Variants in PSME3 observed in about 807,000 individuals in gnomAD.
PSME3 encodes proteasome activator complex subunit 3.
A neutral mutation model predicts 38.3 loss-of-function variants in PSME3; 7 were observed. That is an observed-to-expected ratio of 0.18 (90% CI 0.10 to 0.34). The LOEUF (loss-of-function observed/expected upper bound fraction) is 0.34. PSME3 is among the 10% of genes least tolerant of loss of function. PSME3 has a pLI of 1.00. For synonymous variants in PSME3, 108 were observed against 105.7 expected (o/e 1.02, Z -0.13); for missense variants, 192 against 307.6 (o/e 0.62, Z 2.81).
intron 3 of PSME3, 79 bp downstream of exon 3, chr17:42,834,656 T>A: frequency 6.3e-7 from 1 of 1,599,034 alleles, no homozygotes; most frequent in South Asian, 1.1e-5. Context: ...AAACTGTTGA[T>A]TCTTCTTCTT....
chr17:42,837,767 T>G, intron 5 of PSME3, 70 bp downstream of exon 5: 3 of 1,513,152 alleles, frequency 2.0e-6, no homozygotes, highest in East Asian at 4.5e-5. Flanking sequence ...GCAGGATGGA[T>G]CTAGTGTTCT....
intron 5 of PSME3, 196 bp downstream of exon 5, chr17:42,837,893 G>A: frequency 1.2e-6 from 1 of 866,130 alleles, no homozygotes; most frequent in Non-Finnish European, 1.8e-6. Flanking sequence ...GAGGATTTAA[G>A]ACTTTTGTTA....
chr17:42,834,064 A>G, intron 1 of PSME3: 1 of 1,442,012 alleles, frequency 6.9e-7, no homozygotes, highest in Non-Finnish European at 9.0e-7. Flanking sequence ...TTCCCTAACT[A>G]CCTGTCTTTT....
Position 42,841,723 on chromosome 17 carries a change from C to G in PSME3, c.*145C>G. On this transcript the variant is annotated 3_prime_UTR_variant, in exon 11 of 11. Coordinates refer to ENST00000590720, the MANE Select transcript of PSME3 (RefSeq NM_005789.4). Reference sequence around the variant, plus strand: ...TTTAGTTAGAGTCTAATGAAACTCTCATCTAGTTCTGTGATGTGTTTACCT... The same window carrying G: ...TTTAGTTAGAGTCTAATGAAACTCTGATCTAGTTCTGTGATGTGTTTACCT... 1.8e-6 allele frequency: 1 copy of G among 542,208 alleles called. No homozygotes were observed. Among genetic ancestry groups the G allele is most frequent in the Non-Finnish European group, 3.2e-6 (1 of 314,700 alleles). 33.6% of individuals were successfully genotyped at this position (542,208 alleles called of 1,614,324 possible).
Position 42,833,428 on chromosome 17 carries a change from A to T in PSME3, c.-204A>T, listed in dbSNP as rs1433828361. 3.2e-6 allele frequency: 2 copies of T among 615,422 alleles called. No homozygotes were observed. The highest frequency in any genetic ancestry group is 5.9e-5 in the Admixed American group (2 of 33,826). 38.1% of individuals were successfully genotyped at this position (615,422 alleles called of 1,614,324 possible). A position where few individuals can be genotyped will look rare whatever the true frequency, so the allele number is the denominator to read the frequency against. The stretch of plus-strand genomic sequence containing the variant: ...TCCGGCGTGAGCGGCGAAAGCCGGG[A>T]GGGCGAGCGAGAGAGCAAGCAGGCA... On this transcript the variant is annotated 5_prime_UTR_variant, in exon 1 of 11. Transcript: ENST00000590720.
At chr17:42,840,963 C>T (rs1264458834) in intron 10 of PSME3, among the ~76,000 whole-genome samples, 1 of 151,874 alleles carries the variant, frequency 6.6e-6, no homozygotes, top group African/African-American at 2.4e-5. Flanking sequence ...GAAACCCCAT[C>T]TGTACTAAAA....
At chr17:42,835,788 A>C (rs922257447) in intron 4 of PSME3, among the ~76,000 whole-genome samples, 2 of 151,810 alleles carry the variant, frequency 1.3e-5, no homozygotes, top group Middle Eastern at 3.2e-3. Flanking sequence ...TCTGAACAAG[A>C]CTTTGCTTAT....
chr17:42,839,940 G>A (rs764281099), intron 10 of PSME3, among the ~76,000 whole-genome samples: 1 of 151,604 alleles, frequency 6.6e-6, no homozygotes, highest in Non-Finnish European at 1.5e-5. Flanking sequence ...AGGTTGCGGT[G>A]AGCCAAGATT....
chr17:42,839,251 A>G (rs777477695), intron 9 of PSME3, 43 bp from the exon 10 acceptor site: 27 of 1,581,614 alleles, frequency 1.7e-5, no homozygotes, highest in East Asian at 4.5e-5. Flanking sequence ...TCTGGAAACA[A>G]TTGGGCTTTG....
chr17:42,840,005 A>G (rs1345707313), intron 10 of PSME3, among the ~76,000 whole-genome samples: 1 of 148,674 alleles, frequency 6.7e-6, no homozygotes, highest in Non-Finnish European at 1.5e-5. Context: ...TCAAAAAAAA[A>G]ATAAAAATAG....
rs780048670 is a variant in PSME3 at position 42,834,890 on chromosome 17, A to G, written c.243+14A>G. Reference sequence around the variant, plus strand: ...GGACTGGATGGTGTAAGTGTCCTATATTTATCTTTGTGTTCTTGAGCAGTA... The same window carrying G: ...GGACTGGATGGTGTAAGTGTCCTATGTTTATCTTTGTGTTCTTGAGCAGTA... On this transcript the variant is annotated intron_variant, in intron 4 of 10. Transcript: ENST00000590720. 2 of 1,612,890 alleles carry G rather than the reference A, an allele frequency of 1.2e-6. No individual in the cohort carries two copies. The highest frequency in any genetic ancestry group is 3.3e-5 in the Admixed American group (2 of 59,838).
chr17:42,833,561 C>G lies in PSME3; in HGVS notation c.-71C>G, dbSNP rs1418799820. The G allele has an allele frequency of 1.3e-6, 2 of 1,594,258 alleles. No individual in the cohort carries two copies. Among genetic ancestry groups the G allele is most frequent in the African/African-American group, 2.7e-5 (2 of 74,514 alleles). On this transcript the variant is annotated 5_prime_UTR_variant, in exon 1 of 11. Coordinates refer to ENST00000590720, the MANE Select transcript of PSME3 (RefSeq NM_005789.4). ...CGAGGTCAGCCGAGATTTCTCAGGT[C>G]CCTCCGGCCCCCTCCCTGGAGTCCA...
At chr17:42,833,802 A>G (rs2055428469) in intron 1 of PSME3, 129 bp downstream of exon 1, 2 of 1,587,020 alleles carry the variant, frequency 1.3e-6, no homozygotes, top group Non-Finnish European at 1.7e-6. Context: ...GGCTCAGCCC[A>G]GCCCCCAACT....
chr17:42,833,853 T>A (rs564596826), intron 1 of PSME3, 180 bp downstream of exon 1: 1 of 1,506,732 alleles, frequency 6.6e-7, no homozygotes, highest in South Asian at 1.3e-5. Flanking sequence ...ATAGGATGGC[T>A]TTCTGTACCG....
chr17:42,838,644 C>T, intron 6 of PSME3, 87 bp from the exon 7 acceptor site: 1 of 1,265,552 alleles, frequency 7.9e-7, no homozygotes, highest in Non-Finnish European at 1.1e-6. Flanking sequence ...CTTCTGTGTT[C>T]CTGGCATCTG....
chr17:42,841,246 A>G (rs1216198227), intron 10 of PSME3, among the ~76,000 whole-genome samples: 1 of 152,094 alleles, frequency 6.6e-6, no homozygotes, highest in Non-Finnish European at 1.5e-5. Flanking sequence ...TTTTTCATTA[A>G]CATTGTAACA....
At chr17:42,840,060 T>A (rs897283228) in intron 10 of PSME3, among the ~76,000 whole-genome samples, 3 of 150,136 alleles carry the variant, frequency 2.0e-5, no homozygotes, top group African/African-American at 7.4e-5. Flanking sequence ...GTGGATCACT[T>A]GAGGTCAGGA....
At chr17:42,837,293 C>T (rs1403833836) in intron 4 of PSME3, among the ~76,000 whole-genome samples, 1 of 152,080 alleles carries the variant, frequency 6.6e-6, no homozygotes, top group East Asian at 1.9e-4. Flanking sequence ...TTGTGATCCA[C>T]CTACCTTGGC....
At position 42,838,733 on chromosome 17, in the gene PSME3, C is replaced by G. The variant is rs773196981; in HGVS notation, c.408C>G (p.Val136=). 4.3e-6 allele frequency: 7 copies of G among 1,613,342 alleles called. No homozygotes were observed. In the Admixed American group the frequency reaches 6.7e-5, roughly 15 times the overall value. Residue 136 remains valine, a splice_region_variant and synonymous_variant, in exon 7 of 11, where the codon GTC becomes GTG. Coordinates refer to ENST00000590720, the MANE Select transcript of PSME3 (RefSeq NM_005789.4). The part of the protein sequence containing the change: ...IRLLIEKCNT[V]KMWVQLLIPR... ...CTCATATATGTTTTGACCTCCAGGTCAAAATGTGGGTACAGCTCCTGATTC... is the reference window on the plus strand; with the variant it reads ...CTCATATATGTTTTGACCTCCAGGTGAAAATGTGGGTACAGCTCCTGATTC...
Sources: gnomAD v4.1 joint callset for allele counts (sites outside exome capture counted in the v4.1 genomes callset) on GRCh38, gnomAD v4.1.1 for gene constraint, MANE v1.5 for transcripts, NCBI Gene and HGNC (gene_info 2026-07-23, HGNC 2026-07-21) for gene names.